Variants in NEB observed in about 807,000 individuals in gnomAD.
NEB encodes nebulin.
In NEB, 512 loss-of-function variants were observed where a neutral mutation model predicts 952.2. The ratio of observed to expected loss-of-function variants is 0.54; its 90% CI spans 0.50 to 0.58. NEB has a LOEUF of 0.58. Ranked by LOEUF, NEB falls within the 20% of genes least tolerant of loss-of-function variation. NEB has a pLI of 0.00. For missense variants in NEB, 8,428 were observed against 9,231.1 expected, an observed-to-expected ratio of 0.91 and a Z score of 3.56; for synonymous variants, 2,900 against 3,149.8, an observed-to-expected ratio of 0.92 and a Z score of 2.66.
In NEB at chr2:151,540,756, C is replaced by T. The variant is rs750152377; in HGVS notation, c.20728G>A (p.Ala6910Thr). 16 of 1,613,400 alleles carry T rather than the reference C, an allele frequency of 9.9e-6. No homozygotes were observed. Among genetic ancestry groups the T allele is most frequent in the African/African-American group, 8.0e-5 (6 of 74,854 alleles). The change falls in exon 137 of 182, where the codon GCT becomes ACT. Residue 6910 changes from alanine (A) to threonine (T), a missense_variant. By Grantham distance (58) the Ala-to-Thr change is moderately conservative. Around this residue, in one of 11 missense-constraint regions of NEB, gnomAD observed 3,374 missense variants for 3,651.5 expected, o/e 0.92. Coordinates refer to ENST00000397345, the MANE Select transcript of NEB (RefSeq NM_001164508.2). ...LATKERPHHH[A>T]GNQTTALKHA... ...TTCAAGGCTGTGGTCTGGTTTCCAG[C>T]GTGATGATGGGGTCTCTCTTTGGTG...
chr2:151,651,019 G>A, intron 52 of NEB, 134 bp from the exon 53 acceptor site: 1 of 835,722 alleles, frequency 1.2e-6, no homozygotes, highest in Non-Finnish European at 1.8e-6. Context: ...GAACTCCCAG[G>A]CCTACTTTTC....
chr2:151,691,968 T>C lies in NEB; in HGVS notation c.2107A>G (p.Lys703Glu). The C allele has an allele frequency of 1.2e-6, 2 of 1,611,912 alleles. No homozygotes were observed. The highest frequency in any genetic ancestry group is 1.7e-6 in the Non-Finnish European group (2 of 1,178,494). ...CMKVAAQNSD[K>E]SYKAEYEEDK... is the part of the protein sequence containing the mutation. ...TCTTCATATTCTGCTTTGTAACTTTTCTATAATGAGAAAAACCAAAAATAG... is the reference window on the plus strand; with the variant it reads ...TCTTCATATTCTGCTTTGTAACTTTCCTATAATGAGAAAAACCAAAAATAG... The change falls in exon 23 of 182, where the codon AAA (lysine) becomes GAA (glutamate). Residue 703 changes from lysine to glutamate, a missense_variant and splice_region_variant. Lys to Glu is a moderately conservative substitution (Grantham distance 56, BLOSUM62 1). This residue lies in a region of NEB where 2,851 missense variants were observed against 2,791.5 expected (regional missense o/e 1.02). Coordinates refer to ENST00000397345, the MANE Select transcript of NEB (RefSeq NM_001164508.2).
At chr2:151,655,528 A>T (rs2154146786) in intron 50 of NEB, among the ~76,000 whole-genome samples, 154 bp from the exon 51 acceptor site, 1 of 148,270 alleles carries the variant, frequency 6.7e-6, no homozygotes, top group East Asian at 1.9e-4. Flanking sequence ...CTAAAAACAA[A>T]CTCAGATTTA....
At position 151,612,324 on chromosome 2, in the gene NEB, C is replaced by A. The variant is rs1435971718; in HGVS notation, c.11667G>T (p.Glu3889Asp). The A allele has an allele frequency of 1.2e-5, 19 of 1,613,714 alleles. No homozygotes were observed. Among genetic ancestry groups the A allele is most frequent in the Non-Finnish European group, 1.6e-5 (19 of 1,179,834 alleles). ...GIGWVPIGSV[E>D]VEKVKRAGEI... ...CTCCAGCTCTCTTCACTTTCTCGACCTCTACAGAGCCAATGGGAACCCATC... is the reference window on the plus strand; with the variant it reads ...CTCCAGCTCTCTTCACTTTCTCGACATCTACAGAGCCAATGGGAACCCATC... The change falls in exon 78 of 182, where the codon GAG (glutamate) becomes GAT (aspartate). Residue 3889 changes from glutamate to aspartate, a missense_variant. Transcript: ENST00000397345.
At chr2:151,564,223 A>G (rs2096256046) in intron 117 of NEB, among the ~76,000 whole-genome samples, 1 of 151,904 alleles carries the variant, frequency 6.6e-6, no homozygotes, top group South Asian at 2.1e-4. Flanking sequence ...GCCGTGATCT[A>G]AGCTCACTGC....
At chr2:151,490,124 T>A in intron 180 of NEB, 47 bp from the exon 181 acceptor site, 2 of 1,427,578 alleles carry the variant, frequency 1.4e-6, no homozygotes, top group Middle Eastern at 1.8e-4. Flanking sequence ...AATGGCTAGG[T>A]ATCCTTTAAT....
intron 13 of NEB, among the ~76,000 whole-genome samples, chr2:151,698,935 T>C (rs1406794967): frequency 2.0e-5 from 3 of 147,308 alleles, no homozygotes; most frequent in Admixed American, 2.0e-4. Flanking sequence ...TAGTTACATA[T>C]GTATACATGT....
intron 54 of NEB, among the ~76,000 whole-genome samples, chr2:151,646,838 C>T (rs1163784166): frequency 2.0e-5 from 3 of 152,088 alleles, no homozygotes; most frequent in Admixed American, 6.5e-5. Context: ...TTAGTAGAAA[C>T]AGGGTTTCGC....
chr2:151,502,783 T>C lies in NEB; in HGVS notation c.23928+10A>G, dbSNP rs746768491. On this transcript the variant is annotated intron_variant, in intron 167 of 181. Coordinates refer to ENST00000397345, the MANE Select transcript of NEB (RefSeq NM_001164508.2). ...AGGGATTTTTTTTTTTTTGGCCCCC[T>C]AAGAAATACCGAGCTAAAGTTCTCT... The C allele has an allele frequency of 3.9e-6, 6 of 1,536,150 alleles. No individual in the cohort carries two copies. Among genetic ancestry groups the C allele is most frequent in the Non-Finnish European group, 5.4e-6 (6 of 1,112,162 alleles).
Position 151,526,173 on chromosome 2 carries a change from G to A in NEB, c.22035C>T (p.Ser7345=), listed in dbSNP as rs2085716541. 1.2e-6 allele frequency: 2 copies of A among 1,613,808 alleles called. No homozygotes were observed. Among genetic ancestry groups the A allele is most frequent in the Non-Finnish European group, 8.5e-7 (1 of 1,179,820 alleles). Residue 7345 remains serine, a synonymous_variant, in exon 149 of 182, where the codon AGC becomes AGT. Coordinates refer to ENST00000397345, the MANE Select transcript of NEB (RefSeq NM_001164508.2). ...TPQILLAKTV[S]NLVSENKYKD... ...TGGGGGTTACCTCAGACACCAGGTT[G>A]CTGACAGTCTTCGCCAGCAGGATCT...
chr2:151,705,144 T>C (rs1254237115), intron 13 of NEB, among the ~76,000 whole-genome samples: 4 of 152,140 alleles, frequency 2.6e-5, no homozygotes, highest in Non-Finnish European at 5.9e-5. Flanking sequence ...AGAAATCTCT[T>C]ATTATACAAA....
chr2:151,668,210 T>C (rs1165058675), intron 39 of NEB, among the ~76,000 whole-genome samples: 2 of 152,212 alleles, frequency 1.3e-5, no homozygotes, highest in Non-Finnish European at 2.9e-5. Flanking sequence ...TTATTTGTCA[T>C]AATTTTCTAT....
chr2:151,505,318 C>G (rs1001719602), intron 165 of NEB, among the ~76,000 whole-genome samples, 160 bp downstream of exon 165: 7 of 152,142 alleles, frequency 4.6e-5, no homozygotes, highest in African/African-American at 1.7e-4. Context: ...TTCTTATCTA[C>G]TTTTGCAACC....
intron 142 of NEB, chr2:151,534,294 T>C (rs1311563386): frequency 2.5e-6 from 4 of 1,613,536 alleles, no homozygotes; most frequent in African/African-American, 2.7e-5. Flanking sequence ...ATCTTTCCGC[T>C]GCTCATAATC....
intron 66 of NEB, 64 bp downstream of exon 66, chr2:151,631,079 T>C (rs1203179331): frequency 4.4e-6 from 7 of 1,583,608 alleles, no homozygotes; most frequent in Non-Finnish European, 6.1e-6. Context: ...TAGACTCCAT[T>C]AGTCATTAAA....
At chr2:151,543,544 T>A (rs1234484301) in intron 135 of NEB, among the ~76,000 whole-genome samples, 1 of 152,246 alleles carries the variant, frequency 6.6e-6, no homozygotes, top group African/African-American at 2.4e-5. Context: ...GTTTAGGAAA[T>A]TAGGGTGCTA....
chr2:151,619,393 T>C (rs2098326236), intron 73 of NEB, 58 bp downstream of exon 73: 6 of 1,495,308 alleles, frequency 4.0e-6, no homozygotes, highest in East Asian at 2.3e-5. Context: ...TAGTCAGAAC[T>C]CACAGACACG....
At chr2:151,499,537 C>G (rs2062847484) in intron 168 of NEB, 147 bp from the exon 169 acceptor site, 1 of 553,002 alleles carries the variant, frequency 1.8e-6, no homozygotes, top group Non-Finnish European at 3.2e-6. Context: ...AGGCACAGAT[C>G]TGGGTGAGAA....
Position 151,675,339 on chromosome 2 carries a change from G to C in NEB, c.3827C>G (p.Pro1276Arg), listed in dbSNP as rs764377335. The C allele has an allele frequency of 7.5e-6, 12 of 1,595,138 alleles. No homozygotes were observed. In the East Asian group the frequency reaches 2.7e-4, roughly 36 times the overall value. ...GGCCTGGAGAAACTGAGGAAGATCA[G>C]GACTCATGGTGTATTTATGTTTCAC... is the stretch of plus-strand genomic sequence containing the variant. ...EDVKHKYTMS[P>R]DLPQFLQAKC... The change falls in exon 35 of 182, where the codon CCT (proline) becomes CGT (arginine). Residue 1276 changes from proline to arginine, a missense_variant. By Grantham distance (103) the Pro-to-Arg change is moderately radical. Around this residue, in one of 11 missense-constraint regions of NEB, gnomAD observed 2,851 missense variants for 2,791.5 expected, o/e 1.02. Coordinates refer to ENST00000397345, the MANE Select transcript of NEB (RefSeq NM_001164508.2).
Sources: gnomAD v4.1 joint callset for allele counts (sites outside exome capture counted in the v4.1 genomes callset) on GRCh38, gnomAD v4.1.1 for gene constraint, gnomAD v4.1.1 regional missense constraint, MANE v1.5 for transcripts, NCBI Gene and HGNC (gene_info 2026-07-23, HGNC 2026-07-21) for gene names.